Variants in GRID2 observed in about 807,000 individuals in gnomAD.
The protein encoded by GRID2 is glutamate receptor ionotropic, delta-2.
A neutral mutation model predicts 114.8 loss-of-function variants in GRID2; 33 were observed. The ratio of observed to expected loss-of-function variants is 0.29; its 90% confidence interval spans 0.22 to 0.38. The LOEUF (loss-of-function observed/expected upper bound fraction) is 0.38, where lower values mean the gene tolerates loss of function less well. Ranked by LOEUF, GRID2 falls within the 10% of genes least tolerant of loss-of-function variation. GRID2 has a pLI of 1.00. For missense variants in GRID2, 1,184 were observed against 1,257.7 expected (o/e 0.94, Z 0.89); for synonymous variants, 505 against 449.9 (o/e 1.12, Z -1.55).
At chr4:92,693,893 A>G (rs2149295325) in intron 2 of GRID2, among the ~76,000 whole-genome samples, 2 of 152,338 alleles carry the variant, frequency 1.3e-5, no homozygotes, top group East Asian at 3.9e-4. Context: ...TTATAAGGAC[A>G]TTGCTAACCT....
At chr4:92,700,491 G>A (rs1231891041) in intron 2 of GRID2, among the ~76,000 whole-genome samples, 27 of 152,178 alleles carry the variant, frequency 1.8e-4, no homozygotes, top group Admixed American at 1.8e-3. Flanking sequence ...AATGTGCATA[G>A]TAGGCATTTT....
At chr4:93,504,330 A>T (rs577295757) in intron 12 of GRID2, among the ~76,000 whole-genome samples, 3 of 152,180 alleles carry the variant, frequency 2.0e-5, no homozygotes, top group Admixed American at 1.3e-4. Flanking sequence ...TTTCAATGTC[A>T]GCCTTGGAGG....
At chr4:93,146,189 C>A (rs772666774) in intron 4 of GRID2, among the ~76,000 whole-genome samples, 1 of 151,970 alleles carries the variant, frequency 6.6e-6, no homozygotes, top group Non-Finnish European at 1.5e-5. Flanking sequence ...AAAACCCAAC[C>A]GCATATTTAT....
At chr4:92,784,254 A>T (rs1365317557) in intron 2 of GRID2, among the ~76,000 whole-genome samples, 1 of 151,976 alleles carries the variant, frequency 6.6e-6, no homozygotes, top group African/African-American at 2.4e-5. Context: ...CCAACCTCAT[A>T]TGAAATTTCA....
chr4:93,185,992 C>T (rs1452342473), intron 4 of GRID2, among the ~76,000 whole-genome samples: 12 of 151,960 alleles, frequency 7.9e-5, no homozygotes, highest in South Asian at 2.1e-4. Flanking sequence ...TGAGAACATG[C>T]GGTGTTTGGT....
At chr4:93,520,610 G>A (rs982592506) in intron 13 of GRID2, among the ~76,000 whole-genome samples, 41 of 152,094 alleles carry the variant, frequency 2.7e-4, no homozygotes, top group African/African-American at 9.4e-4. Flanking sequence ...GGGGGTTAGG[G>A]GATGGAGAGG....
intron 1 of GRID2, among the ~76,000 whole-genome samples, chr4:92,445,886 A>C (rs995519906): frequency 1.1e-4 from 16 of 152,178 alleles, no homozygotes; most frequent in Admixed American, 1.0e-3. Context: ...CTGTGAACAC[A>C]TTTTTAATTT....
At chr4:92,799,970 G>T (rs533967154) in intron 2 of GRID2, among the ~76,000 whole-genome samples, 46 of 152,054 alleles carry the variant, frequency 3.0e-4, no homozygotes, top group African/African-American at 1.0e-3. Context: ...CTTGCTCATA[G>T]TAAGGACTCA....
intron 2 of GRID2, among the ~76,000 whole-genome samples, chr4:92,913,563 C>A (rs924354655): frequency 1.3e-5 from 2 of 151,930 alleles, no homozygotes; most frequent in African/African-American, 2.4e-5. Context: ...CTAGATGAAG[C>A]TCATTTTCAT....
intron 8 of GRID2, among the ~76,000 whole-genome samples, chr4:93,323,074 G>A (rs537821606): frequency 6.6e-6 from 1 of 152,160 alleles, no homozygotes; most frequent in Admixed American, 6.5e-5. Context: ...GTCAATTTTG[G>A]CTTTTGTTGC....
chr4:92,686,370 G>GT (rs1387490553), intron 2 of GRID2, among the ~76,000 whole-genome samples: 1 of 151,946 alleles, frequency 6.6e-6, no homozygotes, highest in Non-Finnish European at 1.5e-5. Flanking sequence ...GAATTTTCTA[G>GT]TTTTTTGGAT....
intron 2 of GRID2, among the ~76,000 whole-genome samples, chr4:92,597,694 T>C (rs966866103): frequency 1.3e-5 from 2 of 152,182 alleles, no homozygotes; most frequent in Non-Finnish European, 2.9e-5. Flanking sequence ...TGTCTGTATG[T>C]ATGGTGCATG....
At chr4:93,494,618 G>T (rs921998001) in intron 12 of GRID2, among the ~76,000 whole-genome samples, 8 of 151,700 alleles carry the variant, frequency 5.3e-5, no homozygotes. Flanking sequence ...TCCCTTCAGT[G>T]ATATGGGCAG....
intron 9 of GRID2, among the ~76,000 whole-genome samples, chr4:93,410,495 T>C (rs1320179775): frequency 6.6e-6 from 1 of 152,220 alleles, no homozygotes. Context: ...CTCACCTCCA[T>C]TGGAATCCAC....
At chr4:93,251,061 G>A (rs972059838) in intron 8 of GRID2, among the ~76,000 whole-genome samples, 3 of 152,014 alleles carry the variant, frequency 2.0e-5, no homozygotes, top group Non-Finnish European at 2.9e-5. Flanking sequence ...TCCCCCTTTA[G>A]TCATGCCTTT....
intron 4 of GRID2, among the ~76,000 whole-genome samples, chr4:93,172,687 G>A (rs1738959260): frequency 6.6e-6 from 1 of 152,040 alleles, no homozygotes; most frequent in South Asian, 2.1e-4. Flanking sequence ...TTTGTGAATG[G>A]GTTGATTCCA....
rs200759915 is a variant in GRID2, at chr4:92,935,631, C to A, written c.245-149364C>A. Among the ~76,000 whole-genome samples the A allele has an allele frequency of 3.1e-4, 45 of 146,840 alleles. 3 individuals are homozygous for A. Among genetic ancestry groups the A allele is most frequent in the Non-Finnish European group, 4.7e-4 (31 of 66,280 alleles). On this transcript the variant is annotated intron_variant, in intron 2 of 15. Coordinates refer to ENST00000282020, the MANE Select transcript of GRID2 (RefSeq NM_001510.4). Reference sequence around the variant, plus strand: ...TTCACAACAGCAAAGACTTGGAACCCACCCAAATGTCCAACAATGATAGAC... The same window carrying A: ...TTCACAACAGCAAAGACTTGGAACCAACCCAAATGTCCAACAATGATAGAC...
chr4:92,344,559 A>G (rs1347675780), intron 1 of GRID2, among the ~76,000 whole-genome samples: 1 of 152,230 alleles, frequency 6.6e-6, no homozygotes, highest in Non-Finnish European at 1.5e-5. Context: ...AGTGCTCGAC[A>G]GGGACAACTA....
Position 93,762,423 on chromosome 4 carries a change from T to A in GRID2, c.2361-6787T>A, listed in dbSNP as rs1181856171. ...CCAAATTGCCTCAATACTTCCAAATTGAAGAAGTACCAAAAGGTCTTGTAT... is the reference window on the plus strand; with the variant it reads ...CCAAATTGCCTCAATACTTCCAAATAGAAGAAGTACCAAAAGGTCTTGTAT... On this transcript the variant is annotated intron_variant, in intron 14 of 15. Coordinates refer to ENST00000282020, the MANE Select transcript of GRID2 (RefSeq NM_001510.4). 2.0e-5 allele frequency among the ~76,000 whole-genome samples: 3 copies of A among 152,134 alleles called. No individual in the cohort carries two copies. In the South Asian group the frequency reaches 6.2e-4, roughly 31 times the overall value.
Sources: allele counts gnomAD v4.1 joint callset (sites outside exome capture counted in the v4.1 genomes callset), GRCh38; gene constraint gnomAD v4.1.1; transcripts MANE v1.5; gene names NCBI Gene and HGNC (gene_info 2026-07-23, HGNC 2026-07-21).